The following KCNT2 variants were observed in gnomAD, a reference collection of about 807,000 sequenced individuals.
KCNT2 encodes the protein potassium sodium-activated channel subfamily T member 2.
A neutral mutation model predicts 153.8 loss-of-function variants in KCNT2; 67 were observed. The ratio of observed to expected loss-of-function variants is 0.44; its 90% CI spans 0.36 to 0.53. The LOEUF (loss-of-function observed/expected upper bound fraction) is 0.53. Among genes scored for constraint, KCNT2 ranks in the 20% least tolerant of loss-of-function variants. The pLI, the probability that KCNT2 is intolerant of heterozygous loss-of-function variation, is 0.00. For synonymous variants in KCNT2, 500 were observed against 458.8 expected (o/e 1.09, Z -1.15); for missense variants, 975 against 1,354.8 (o/e 0.72, Z 4.40).
chr1:196,583,605 G>T (rs1662314896), intron 1 of KCNT2, among the ~76,000 whole-genome samples: 1 of 151,828 alleles, frequency 6.6e-6, no homozygotes. Flanking sequence ...ATAAAAGAAG[G>T]GAAGACTGTA....
chr1:196,601,382 C>T (rs1384749268), intron 1 of KCNT2, among the ~76,000 whole-genome samples: 1 of 152,144 alleles, frequency 6.6e-6, no homozygotes, highest in Non-Finnish European at 1.5e-5. Context: ...AATCTAATAT[C>T]GGTTTCCACT....
Position 196,406,902 on chromosome 1 carries a change from C to A in KCNT2, c.1186-8231G>T, listed in dbSNP as rs1480982393. On this transcript the variant is annotated intron_variant, in intron 12 of 27. Transcript: ENST00000294725. ...CTGTCGGAATCTGCATATATATTATCAAAATCTTACCAGAAATTTTGGGAC... is the reference window on the plus strand; with the variant it reads ...CTGTCGGAATCTGCATATATATTATAAAAATCTTACCAGAAATTTTGGGAC... 2.0e-5 allele frequency among the ~76,000 whole-genome samples: 3 copies of A among 151,372 alleles called. No individual in the cohort carries two copies. The East Asian group carries it at 5.9e-4, about 30-fold the overall frequency.
intron 14 of KCNT2, among the ~76,000 whole-genome samples, chr1:196,356,139 G>A (rs897067445): frequency 2.0e-5 from 3 of 151,582 alleles, no homozygotes; most frequent in African/African-American, 7.3e-5. Context: ...GGACATTTCT[G>A]CTGTCTCTCC....
At chr1:196,560,116 A>G (rs1351063905) in intron 1 of KCNT2, among the ~76,000 whole-genome samples, 1 of 151,900 alleles carries the variant, frequency 6.6e-6, no homozygotes, top group African/African-American at 2.4e-5. Flanking sequence ...CTTGCTTTGC[A>G]TCCAGAGGAA....
At chr1:196,465,188 AT>A in intron 8 of KCNT2, 104 bp downstream of exon 8, 1 of 632,286 alleles carries the variant, frequency 1.6e-6, no homozygotes, top group Non-Finnish European at 2.7e-6. Flanking sequence ...ATATTTGTTT[AT>A]TTATTTATTG....
At chr1:196,518,249 T>A (rs115572710) in intron 1 of KCNT2, among the ~76,000 whole-genome samples, 1 of 152,252 alleles carries the variant, frequency 6.6e-6, no homozygotes, top group African/African-American at 2.4e-5. Context: ...CACCTTAGAA[T>A]AGACATCGAA....
chr1:196,592,781 A>G (rs1156487784), intron 1 of KCNT2, among the ~76,000 whole-genome samples: 2 of 148,000 alleles, frequency 1.4e-5, no homozygotes, highest in Non-Finnish European at 3.0e-5. Flanking sequence ...TGATAACACA[A>G]GAGGGAGTCT....
At chr1:196,235,060 T>C (rs1558052332) in intron 27 of KCNT2, among the ~76,000 whole-genome samples, 1 of 151,434 alleles carries the variant, frequency 6.6e-6, no homozygotes, top group Non-Finnish European at 1.5e-5. Flanking sequence ...GTGCTGTCCA[T>C]CATCTATAAG....
intron 25 of KCNT2, among the ~76,000 whole-genome samples, chr1:196,271,405 C>G (rs953984473): frequency 4.6e-5 from 7 of 151,978 alleles, no homozygotes; most frequent in African/African-American, 1.7e-4. Context: ...GTGCTAAGTA[C>G]AAGAATGATC....
chr1:196,256,171 G>T (rs1227314064), intron 26 of KCNT2, among the ~76,000 whole-genome samples: 1 of 151,780 alleles, frequency 6.6e-6, no homozygotes, highest in Non-Finnish European at 1.5e-5. Flanking sequence ...TGATCATAAA[G>T]CAATAATTTC....
chr1:196,596,363 C>A (rs145814702), intron 1 of KCNT2, among the ~76,000 whole-genome samples: 2 of 152,034 alleles, frequency 1.3e-5, no homozygotes, highest in Non-Finnish European at 2.9e-5. Context: ...TAAATGTGTT[C>A]CCTTTTCACC....
At position 196,435,135 on chromosome 1, in the gene KCNT2, G is replaced by GTGTA. The variant is rs747899287; in HGVS notation, c.639-5379_639-5378insTACA. Among the ~76,000 whole-genome samples the GTGTA allele has an allele frequency of 9.2e-3, 704 of 76,548 alleles. 18 individuals carry two copies. The highest frequency in any genetic ancestry group is 0.013 in the Non-Finnish European group (492 of 38,526). 50.2% of individuals were successfully genotyped at this position (76,548 alleles called of 152,430 possible). On this transcript the variant is annotated intron_variant, in intron 8 of 27. Transcript: ENST00000294725. ...GCAATAGATACTTATGTGTGTGTGT[G>GTGTA]TATGTATATATATATATATATATAT...
chr1:196,477,715 A>G (rs6677727), intron 5 of KCNT2, among the ~76,000 whole-genome samples: 2,609 of 152,290 alleles, frequency 0.017, 77 homozygotes, highest in African/African-American at 0.059. Context: ...TGATTATGAC[A>G]ACCACTCCAA....
At chr1:196,284,029 G>A (rs1228099499) in intron 23 of KCNT2, among the ~76,000 whole-genome samples, 2 of 150,334 alleles carry the variant, frequency 1.3e-5, no homozygotes, top group South Asian at 2.1e-4. Flanking sequence ...TCAGGGGTTC[G>A]AGACCAGCCT....
chr1:196,254,848 G>A (rs1656318640), intron 26 of KCNT2, among the ~76,000 whole-genome samples: 1 of 151,486 alleles, frequency 6.6e-6, no homozygotes, highest in African/African-American at 2.4e-5. Flanking sequence ...TAATTTCCTT[G>A]ACAAAAAAAT....
intron 6 of KCNT2, among the ~76,000 whole-genome samples, chr1:196,468,597 T>C (rs1295357473): frequency 6.6e-6 from 1 of 152,058 alleles, no homozygotes; most frequent in African/African-American, 2.4e-5. Flanking sequence ...TTAATAAATC[T>C]TGTGGTTAAA....
chr1:196,265,119 T>A (rs1353434695), intron 25 of KCNT2, among the ~76,000 whole-genome samples: 1 of 152,192 alleles, frequency 6.6e-6, no homozygotes, highest in Admixed American at 6.6e-5. Context: ...CAGGACTGGA[T>A]TTGGGATGGT....
chr1:196,563,249 C>T (rs1012845880), intron 1 of KCNT2, among the ~76,000 whole-genome samples: 7 of 151,430 alleles, frequency 4.6e-5, no homozygotes, highest in African/African-American at 1.7e-4. Flanking sequence ...ATTTTTGTTC[C>T]AACACTTTTC....
chr1:196,328,525 A>G (rs576520618), intron 18 of KCNT2, among the ~76,000 whole-genome samples: 9 of 152,138 alleles, frequency 5.9e-5, no homozygotes, highest in African/African-American at 1.9e-4. Context: ...AAGCAGACAC[A>G]GAGAAAAGAG....
Sources: gnomAD v4.1 joint callset for allele counts (sites outside exome capture counted in the v4.1 genomes callset) on GRCh38, gnomAD v4.1.1 for gene constraint, MANE v1.5 for transcripts, NCBI Gene and HGNC (gene_info 2026-07-23, HGNC 2026-07-21) for gene names.